Variants in CCND3 observed in about 807,000 individuals in gnomAD.
CCND3 encodes G1/S-specific cyclin-D3.
A neutral mutation model predicts 28.7 loss-of-function variants in CCND3; 9 were observed. That is an observed-to-expected ratio of 0.31 (90% CI 0.19 to 0.55). CCND3 has a LOEUF of 0.55. CCND3 is among the 20% of genes least tolerant of loss of function. The pLI is 0.93. For missense variants in CCND3, 315 were observed against 385.8 expected, an observed-to-expected ratio of 0.82 and a Z score of 1.54; for synonymous variants, 164 against 163.9, an observed-to-expected ratio of 1.00 and a Z score of 0.00.
chr6:41,991,421 G>T (rs1436318590), intron 1 of CCND3, among the ~76,000 whole-genome samples: 1 of 152,188 alleles, frequency 6.6e-6, no homozygotes, highest in Non-Finnish European at 1.5e-5. Flanking sequence ...ATACTCCATT[G>T]TCTGGATGCA....
intron 1 of CCND3, among the ~76,000 whole-genome samples, chr6:42,036,483 C>T (rs757723069): frequency 1.5e-5 from 2 of 135,876 alleles, no homozygotes; most frequent in Non-Finnish European, 3.1e-5. Context: ...AATCACTACT[C>T]ACTGCAGCCT....
intron 1 of CCND3, among the ~76,000 whole-genome samples, chr6:42,020,567 T>G (rs915620180): frequency 6.6e-5 from 10 of 152,200 alleles, no homozygotes; most frequent in African/African-American, 2.4e-4. Flanking sequence ...GCTCCCACCC[T>G]GCCCTTGCCT....
At chr6:41,950,188 T>C (rs1776269777) in intron 1 of CCND3, among the ~76,000 whole-genome samples, 2 of 152,072 alleles carry the variant, frequency 1.3e-5, no homozygotes, top group Admixed American at 1.3e-4. Context: ...GGCTTTCCTG[T>C]TCTGTCATTC....
chr6:41,998,283 A>G (rs998396156), intron 1 of CCND3, among the ~76,000 whole-genome samples: 48 of 24,300 alleles, frequency 2.0e-3, no homozygotes, highest in Non-Finnish European at 4.1e-3. Flanking sequence ...GCGAGACTCC[A>G]CCTCAAAAAA....
At chr6:42,033,642 G>A (rs2127437612) in intron 1 of CCND3, among the ~76,000 whole-genome samples, 1 of 150,346 alleles carries the variant, frequency 6.7e-6, no homozygotes, top group South Asian at 2.1e-4. Context: ...GAGATCAGAA[G>A]GACGAGACCA....
Position 41,941,018 on chromosome 6 carries a change from A to G in CCND3, c.199-433T>C, listed in dbSNP as rs376895367. 6.0e-5 allele frequency: 96 copies of G among 1,610,608 alleles called. No homozygotes were observed. The African/African-American group carries it at 1.2e-3, about 20-fold the overall frequency. ...TTTTCATTTCCCTGTCGGCCGGAACAGGGCGCGCGCCACCCCCATCGCCTT... is the reference window on the plus strand; with the variant it reads ...TTTTCATTTCCCTGTCGGCCGGAACGGGGCGCGCGCCACCCCCATCGCCTT... On this transcript the variant is annotated intron_variant, in intron 1 of 4. Transcript: ENST00000372991. The surrounding 1 kb of genome is among the most constrained non-coding windows in gnomAD (Gnocchi z 6.1).
rs1775771759 is a variant in CCND3, at chr6:41,935,927, G to GA, written c.*12_*13insT. ...CCTCTGCTTAGTGGCCACTCCAGAGGGCCTCTCCAGGGCTACAGGTGTATG... is the reference window on the plus strand; with the variant it reads ...CCTCTGCTTAGTGGCCACTCCAGAGGAGCCTCTCCAGGGCTACAGGTGTATG... On this transcript the variant is annotated 3_prime_UTR_variant, in exon 5 of 5. Transcript: ENST00000372991. 1 of 1,602,352 alleles carries GA rather than the reference G, an allele frequency of 6.2e-7. No homozygotes were observed. The highest frequency in any genetic ancestry group is 8.5e-7 in the Non-Finnish European group (1 of 1,174,914).
At chr6:41,950,383 G>T (rs1776273758) in intron 1 of CCND3, among the ~76,000 whole-genome samples, 2 of 152,122 alleles carry the variant, frequency 1.3e-5, no homozygotes, top group Admixed American at 1.3e-4. Context: ...TTAAGTAAGT[G>T]AGCTCTGGAT....
chr6:41,980,855 A>C (rs1281461682), intron 1 of CCND3, among the ~76,000 whole-genome samples: 1 of 152,186 alleles, frequency 6.6e-6, no homozygotes, highest in Non-Finnish European at 1.5e-5. Context: ...AACTCACCAA[A>C]TTAGGAATAG....
intron 1 of CCND3, among the ~76,000 whole-genome samples, chr6:41,949,939 CAA>C (rs1210490186): frequency 9.3e-5 from 12 of 128,362 alleles, no homozygotes; most frequent in East Asian, 2.3e-4. Flanking sequence ...CTAAAAATAT[CAA>C]AAAAAAAAAA....
intron 1 of CCND3, among the ~76,000 whole-genome samples, chr6:41,964,342 A>C (rs1018784354): frequency 8.0e-6 from 1 of 124,390 alleles, no homozygotes; most frequent in East Asian, 2.1e-4. Flanking sequence ...GTGTGTGTGA[A>C]TGTGTGTGAG....
chr6:42,012,877 T>C (rs1437039778), intron 1 of CCND3, among the ~76,000 whole-genome samples: 1 of 152,180 alleles, frequency 6.6e-6, no homozygotes, highest in African/African-American at 2.4e-5. Flanking sequence ...AGGCTCTTCT[T>C]ATATACTTCT....
chr6:42,020,816 A>C (rs1763688946), intron 1 of CCND3, among the ~76,000 whole-genome samples: 1 of 152,146 alleles, frequency 6.6e-6, no homozygotes, highest in Non-Finnish European at 1.5e-5. Flanking sequence ...CAATGGCATG[A>C]TCTCAGCTCA....
In CCND3 at chr6:41,936,318, C is replaced by T. The variant is rs928317031; in HGVS notation, c.712-211G>A. The T allele has an allele frequency of 6.1e-5, 40 of 658,818 alleles. No individual in the cohort carries two copies. The highest frequency in any genetic ancestry group is 9.6e-5 in the Non-Finnish European group (38 of 394,670). 40.8% of individuals were successfully genotyped at this position (658,818 alleles called of 1,614,324 possible). ...GCCCTGCATCTGACACCAAACCCCC[C>T]ACCCCCACTCCAGCACACCACTTGG... On this transcript the variant is annotated intron_variant, in intron 4 of 4. Coordinates refer to ENST00000372991, the MANE Select transcript of CCND3 (RefSeq NM_001760.5). The surrounding 1 kb of genome is among the most constrained non-coding windows in gnomAD (Gnocchi z 4.4).
chr6:41,959,975 A>G (rs1761668798), intron 1 of CCND3, among the ~76,000 whole-genome samples: 1 of 152,136 alleles, frequency 6.6e-6, no homozygotes, highest in Admixed American at 6.5e-5. Flanking sequence ...AAAAATGGAA[A>G]CAACCCAACA....
At chr6:41,951,668 C>T (rs1776322266) in intron 1 of CCND3, among the ~76,000 whole-genome samples, 1 of 151,742 alleles carries the variant, frequency 6.6e-6, no homozygotes, top group South Asian at 2.1e-4. Context: ...GTAGTATGTC[C>T]CCAGTGTGGC....
chr6:42,030,762 C>T (rs1172930675), intron 1 of CCND3, among the ~76,000 whole-genome samples: 4 of 152,302 alleles, frequency 2.6e-5, no homozygotes, highest in East Asian at 3.9e-4. Context: ...CATCTGCCTC[C>T]GGCCACCTGT....
At chr6:42,041,501 A>C (rs1764370980) in intron 1 of CCND3, among the ~76,000 whole-genome samples, 1 of 152,212 alleles carries the variant, frequency 6.6e-6, no homozygotes, top group South Asian at 2.1e-4. Flanking sequence ...CAGGATGAAA[A>C]TAGATGCCAC....
chr6:42,029,058 C>A (rs1424317079), intron 1 of CCND3, among the ~76,000 whole-genome samples: 6 of 151,460 alleles, frequency 4.0e-5, no homozygotes, highest in Admixed American at 6.6e-5. Context: ...CTCACTGCAG[C>A]CTCGAACTCC....
Sources: allele counts gnomAD v4.1 joint callset (sites outside exome capture counted in the v4.1 genomes callset), GRCh38; gene constraint gnomAD v4.1.1; non-coding constraint Gnocchi (gnomAD v3.1); transcripts MANE v1.5; gene names NCBI Gene and HGNC (gene_info 2026-07-23, HGNC 2026-07-21).